BICDL1: variants seen among roughly 807,000 people sequenced by gnomAD.
BICDL1 encodes BICD family like cargo adaptor 1.
BICDL1 carries 20 observed loss-of-function variants against 76.8 expected under a neutral mutation model. That is an observed-to-expected ratio of 0.26 (90% CI 0.18 to 0.38). The LOEUF is 0.38. Among genes scored for constraint, BICDL1 ranks in the 10% least tolerant of loss-of-function variants. The pLI is 1.00. For synonymous variants in BICDL1, 383 were observed against 337.1 expected (o/e 1.14, Z -1.49); for missense variants, 700 against 798.6 (o/e 0.88, Z 1.49).
At chr12:119,995,245 A>G (rs1299322115) in intron 1 of BICDL1, among the ~76,000 whole-genome samples, 1 of 152,230 alleles carries the variant, frequency 6.6e-6, no homozygotes, top group Non-Finnish European at 1.5e-5. Flanking sequence ...ATTCTAGGAG[A>G]AACTTTTCTC....
At position 120,064,784 on chromosome 12, in the gene BICDL1, A is replaced by T; in HGVS notation, c.814A>T (p.Thr272Ser). ...KRELEHRLSA[T>S]LEENDLLQGT... The stretch of plus-strand genomic sequence containing the variant: ...GGAGCTGGAGCATCGTCTCAGCGCT[A>T]CTTTAGAGGAAAATGACCTGCTCCA... The change falls in exon 4 of 10, where the codon ACT becomes TCT. Residue 272 changes from threonine (T) to serine (S), a missense_variant. Coordinates refer to ENST00000548673, the MANE Select transcript of BICDL1 (RefSeq NM_001367886.1). 1 of 1,613,752 alleles carries T rather than the reference A, an allele frequency of 6.2e-7. No individual in the cohort carries two copies. Among genetic ancestry groups the T allele is most frequent in the South Asian group, 1.1e-5 (1 of 91,048 alleles).
In BICDL1 at chr12:120,094,277, A is replaced by C. The variant is rs1419210535; in HGVS notation, c.*1116A>C. 6.6e-6 allele frequency: 3 copies of C among 456,394 alleles called. No individual in the cohort carries two copies. The highest frequency in any genetic ancestry group is 1.3e-5 in the Non-Finnish European group (3 of 226,966). 28.3% of individuals were successfully genotyped at this position (456,394 alleles called of 1,614,324 possible). A position where few individuals can be genotyped will look rare whatever the true frequency, so the allele number is the denominator to read the frequency against. On this transcript the variant is annotated 3_prime_UTR_variant, in exon 10 of 10. Transcript: ENST00000548673. Reference sequence around the variant, plus strand: ...CCGATTCAGTCTCCCTCCCTCCCTCACGTGGGGAAAGCACAGCAGGGATGC... The same window carrying C: ...CCGATTCAGTCTCCCTCCCTCCCTCCCGTGGGGAAAGCACAGCAGGGATGC...
chr12:120,057,979 C>T (rs1014864564), intron 2 of BICDL1, among the ~76,000 whole-genome samples: 13 of 151,868 alleles, frequency 8.6e-5, no homozygotes, highest in Admixed American at 3.3e-4. Context: ...CACAGGCGCC[C>T]GCCACCACGC....
At chr12:120,072,127 A>G (rs1485634344) in intron 5 of BICDL1, among the ~76,000 whole-genome samples, 6 of 152,262 alleles carry the variant, frequency 3.9e-5, no homozygotes, top group Non-Finnish European at 8.8e-5. Flanking sequence ...TTATACTGAC[A>G]GAGTTCCAGA....
intron 5 of BICDL1, among the ~76,000 whole-genome samples, chr12:120,072,178 C>T (rs542072585): frequency 1.1e-4 from 16 of 152,304 alleles, no homozygotes; most frequent in African/African-American, 2.9e-4. Context: ...GGTTTCTTTT[C>T]ACACTTTTCA....
intron 8 of BICDL1, among the ~76,000 whole-genome samples, chr12:120,089,333 G>A (rs993049855): frequency 2.7e-5 from 4 of 150,412 alleles, no homozygotes; most frequent in East Asian, 3.9e-4. Flanking sequence ...CTCTTTCAAC[G>A]TGTGTGTGGC....
chr12:120,061,718 A>C lies in BICDL1; in HGVS notation c.654A>C (p.Glu218Asp), dbSNP rs1422292915. Residue 218 changes from glutamate to aspartate, a missense_variant, in exon 3 of 10, where the codon GAA (glutamate) becomes GAC (aspartate). Glu to Asp is a conservative substitution (Grantham distance 45, BLOSUM62 2). Transcript: ENST00000548673. Reference sequence around the variant, plus strand: ...GGTCTCCTCTGTTTCAGGCATCAGAAGTTGAGAGACAACTCTCCATGCAGG... The same window carrying C: ...GGTCTCCTCTGTTTCAGGCATCAGACGTTGAGAGACAACTCTCCATGCAGG... ...RLLDQLSRAS[E>D]VERQLSMQVH... The C allele has an allele frequency of 1.9e-6, 3 of 1,613,396 alleles. No individual in the cohort carries two copies. The highest frequency in any genetic ancestry group is 2.5e-6 in the Non-Finnish European group (3 of 1,179,260).
intron 2 of BICDL1, among the ~76,000 whole-genome samples, chr12:120,038,870 A>G (rs1171631228): frequency 1.3e-5 from 2 of 152,210 alleles, no homozygotes; most frequent in South Asian, 2.1e-4. Flanking sequence ...TGTGACACCA[A>G]TTGGCACGGG....
At position 120,089,943 on chromosome 12, in the gene BICDL1, G is replaced by A. The variant is rs914119524; in HGVS notation, c.1584-8G>A. On this transcript the variant is annotated splice_polypyrimidine_tract_variant and splice_region_variant and intron_variant, in intron 8 of 9. Transcript: ENST00000548673. ...TGTCCATGTTCACCCTGGCTTGTCT[G>A]TTCTCAGGAAGAATGCTGTGGAGCT... is the stretch of plus-strand genomic sequence containing the variant. 12 of 1,613,796 alleles carry A rather than the reference G, an allele frequency of 7.4e-6. No individual in the cohort carries two copies. The highest frequency in any genetic ancestry group is 1.0e-5 in the Non-Finnish European group (12 of 1,179,870).
intron 2 of BICDL1, among the ~76,000 whole-genome samples, chr12:120,046,231 C>T (rs1952748282): frequency 6.6e-6 from 1 of 152,172 alleles, no homozygotes; most frequent in African/African-American, 2.4e-5. Context: ...TCTCTCCATC[C>T]TCCATCAGTC....
At chr12:120,091,224 C>T (rs1311324754) in intron 9 of BICDL1, 4 of 1,161,570 alleles carry the variant, frequency 3.4e-6, no homozygotes, top group East Asian at 6.0e-5. Flanking sequence ...CCAGTGCTAA[C>T]GGCTGGTGCC....
chr12:120,016,408 G>A (rs1469921185), intron 2 of BICDL1, among the ~76,000 whole-genome samples: 1 of 149,732 alleles, frequency 6.7e-6, no homozygotes, highest in African/African-American at 2.5e-5. Context: ...TTTAGGAGTG[G>A]AATTGCTATA....
intron 2 of BICDL1, among the ~76,000 whole-genome samples, chr12:120,041,319 T>C (rs2138808729): frequency 6.6e-6 from 1 of 152,316 alleles, no homozygotes; most frequent in South Asian, 2.1e-4. Context: ...TATTTAAATT[T>C]TACCTCTGAA....
In BICDL1 at chr12:120,072,730, G is replaced by A. The variant is rs2138949538; in HGVS notation, c.1308+1G>A. 1 of 1,611,012 alleles carries A rather than the reference G, an allele frequency of 6.2e-7. No homozygotes were observed. The highest frequency in any genetic ancestry group is 8.5e-7 in the Non-Finnish European group (1 of 1,179,446). On this transcript the variant is annotated splice_donor_variant, in intron 6 of 9. Transcript: ENST00000548673. LOFTEE classifies it high-confidence loss of function. ...CATTGTGGATGGCATGGAGCCCACGGTAAGAGGCCAGTCTGAGATGGTCCT... is the reference window on the plus strand; with the variant it reads ...CATTGTGGATGGCATGGAGCCCACGATAAGAGGCCAGTCTGAGATGGTCCT...
Position 120,075,081 on chromosome 12 carries a change from G to A in BICDL1, c.1452+495G>A, listed in dbSNP as rs1052730312. Among the ~76,000 whole-genome samples, 6 of 152,166 alleles carry A rather than the reference G, an allele frequency of 3.9e-5. No homozygotes were observed. The South Asian group carries it at 6.2e-4, about 16-fold the overall frequency. ...TCACGATTTCATCTCTCTAGAGAAC[G>A]CTGAAGGAAGACATTTATATTCTCA... On this transcript the variant is annotated intron_variant, in intron 7 of 9. Coordinates refer to ENST00000548673, the MANE Select transcript of BICDL1 (RefSeq NM_001367886.1).
chr12:120,028,027 C>T lies in BICDL1; in HGVS notation c.645+29291C>T, dbSNP rs141215824. Among the ~76,000 whole-genome samples, 199 of 152,310 alleles carry T rather than the reference C, an allele frequency of 1.3e-3. 2 individuals are homozygous for T. Among genetic ancestry groups the T allele is most frequent in the East Asian group, 0.013 (67 of 5,184 alleles). ...TGGGTATTAATCTCACTCTGCATTACCATACTGTTATGCTGTTAATGATTC... is the reference window on the plus strand; with the variant it reads ...TGGGTATTAATCTCACTCTGCATTATCATACTGTTATGCTGTTAATGATTC... On this transcript the variant is annotated intron_variant, in intron 2 of 9. Coordinates refer to ENST00000548673, the MANE Select transcript of BICDL1 (RefSeq NM_001367886.1).
At chr12:120,087,104 G>T (rs1199153565) in intron 8 of BICDL1, among the ~76,000 whole-genome samples, 3 of 152,272 alleles carry the variant, frequency 2.0e-5, no homozygotes, top group Non-Finnish European at 4.4e-5. Context: ...GGCTGTGGCT[G>T]TCGTGGGGCA....
At chr12:120,018,927 C>G (rs896485960) in intron 2 of BICDL1, 2 of 151,258 alleles carry the variant, frequency 1.3e-5, no homozygotes, top group African/African-American at 4.8e-5. Flanking sequence ...CGCCTGTAGT[C>G]CCAGCTACTT....
At chr12:120,081,528 T>C (rs1436390177) in intron 8 of BICDL1, among the ~76,000 whole-genome samples, 1 of 151,900 alleles carries the variant, frequency 6.6e-6, no homozygotes. Flanking sequence ...TTTGTATTTT[T>C]AGTAGAGACA....
Sources: allele counts gnomAD v4.1 joint callset (sites outside exome capture counted in the v4.1 genomes callset), GRCh38; gene constraint gnomAD v4.1.1; transcripts MANE v1.5; gene names NCBI Gene and HGNC (gene_info 2026-07-23, HGNC 2026-07-21).